Variants in CYP2J2 observed in about 807,000 individuals in gnomAD.
CYP2J2 encodes the protein cytochrome P450 2J2.
CYP2J2 carries 41 observed loss-of-function variants against 48.8 expected under a neutral mutation model. The observed-to-expected ratio is 0.84, with a 90% CI of 0.66 to 1.09. The LOEUF is 1.09. CYP2J2 is among the 50% of genes least tolerant of loss of function. The pLI, the probability that CYP2J2 is intolerant of heterozygous loss-of-function variation, is 0.00. For missense variants in CYP2J2, 644 were observed against 617.3 expected (o/e 1.04, Z -0.46); for synonymous variants, 221 against 227.1 (o/e 0.97, Z 0.24).
intron 1 of CYP2J2, among the ~76,000 whole-genome samples, chr1:59,922,667 C>G (rs887549544): frequency 6.6e-6 from 1 of 152,124 alleles, no homozygotes; most frequent in African/African-American, 2.4e-5. Context: ...GCTTCTTATT[C>G]CAGATAAGGT....
At chr1:59,965,681 T>A in the CYP2J2 span, among the ~76,000 whole-genome samples, 3 of 152,092 alleles carry the variant, frequency 2.0e-5, no homozygotes, top group Non-Finnish European at 4.4e-5. Flanking sequence ...AGACAGAGTC[T>A]CACTCTGTTG....
chr1:59,902,279 T>C (rs149978542), intron 7 of CYP2J2, among the ~76,000 whole-genome samples: 4 of 152,182 alleles, frequency 2.6e-5, no homozygotes, highest in African/African-American at 4.8e-5. Flanking sequence ...TTTCTAAATA[T>C]GTACTTGCAT....
At chr1:59,904,127 C>T (rs932482052) in intron 7 of CYP2J2, among the ~76,000 whole-genome samples, 6 of 152,130 alleles carry the variant, frequency 3.9e-5, no homozygotes, top group Admixed American at 2.0e-4. Flanking sequence ...AATCCCAGCA[C>T]TTTGGGAGGC....
chr1:59,951,442 C>CA, the CYP2J2 span, among the ~76,000 whole-genome samples: 3 of 152,018 alleles, frequency 2.0e-5, no homozygotes, highest in African/African-American at 7.2e-5. Flanking sequence ...AATAATAAAG[C>CA]AAAAAATCAG....
At chr1:59,950,745 C>G in the CYP2J2 span, among the ~76,000 whole-genome samples, 1 of 152,202 alleles carries the variant, frequency 6.6e-6, no homozygotes, top group Non-Finnish European at 1.5e-5. Flanking sequence ...TGTGGCTCAA[C>G]TAAGATGGGG....
At chr1:59,944,541 T>C in the CYP2J2 span, among the ~76,000 whole-genome samples, 1 of 152,308 alleles carries the variant, frequency 6.6e-6, no homozygotes, top group East Asian at 1.9e-4. Flanking sequence ...CTTGAGTATG[T>C]CTGTAGGACA....
At chr1:59,960,054 T>A in the CYP2J2 span, among the ~76,000 whole-genome samples, 1 of 152,092 alleles carries the variant, frequency 6.6e-6, no homozygotes, top group Non-Finnish European at 1.5e-5. Context: ...GAAATAATAA[T>A]AAAAAGAATG....
chr1:59,954,362 C>A, the CYP2J2 span, among the ~76,000 whole-genome samples: 1 of 152,140 alleles, frequency 6.6e-6, no homozygotes, highest in African/African-American at 2.4e-5. Flanking sequence ...ATGTACCTAT[C>A]TGTCTACATC....
the CYP2J2 span, among the ~76,000 whole-genome samples, chr1:59,955,253 C>CATATATATATCCAT: frequency 4.1e-3 from 448 of 107,984 alleles, 10 homozygotes; most frequent in Non-Finnish European, 5.1e-3. Context: ...TATATATATC[C>CATATATATATCCAT]ATATATATAT....
At chr1:59,968,439 G>A in the CYP2J2 span, among the ~76,000 whole-genome samples, 1 of 152,056 alleles carries the variant, frequency 6.6e-6, no homozygotes, top group African/African-American at 2.4e-5. Context: ...TCATGGCTGA[G>A]GCCTGCTGTC....
At chr1:59,928,150 C>T (rs372934183), upstream of CYP2J2, among the ~76,000 whole-genome samples, 2 of 152,052 alleles carry the variant, frequency 1.3e-5, no homozygotes, top group Non-Finnish European at 2.9e-5. Context: ...TGCTCATTCC[C>T]GTATCAGTGG....
chr1:59,911,772 A>T lies in CYP2J2; in HGVS notation c.524-4T>A, dbSNP rs369061266. 1 of 1,610,630 alleles carries T rather than the reference A, an allele frequency of 6.2e-7. No homozygotes were observed. The highest frequency in any genetic ancestry group is 1.1e-5 in the South Asian group (1 of 90,332). On this transcript the variant is annotated splice_polypyrimidine_tract_variant and splice_region_variant and intron_variant, in intron 3 of 8. Coordinates refer to ENST00000371204, the MANE Select transcript of CYP2J2 (RefSeq NM_000775.4). ...AAATGAGGGTCAAAAGGCTGTCCTG[A>T]AGGTGGAGGAAGGGCAAGATGGATC...
chr1:59,935,187 T>C, the CYP2J2 span, among the ~76,000 whole-genome samples: 3 of 151,744 alleles, frequency 2.0e-5, no homozygotes, highest in East Asian at 5.8e-4. Context: ...ATTTCAATTT[T>C]ATGTGGAATC....
the CYP2J2 span, among the ~76,000 whole-genome samples, chr1:59,934,645 C>T: frequency 1.3e-5 from 2 of 151,952 alleles, no homozygotes; most frequent in African/African-American, 4.8e-5. Flanking sequence ...GCAAATCACA[C>T]TCATGATGAG....
chr1:59,909,704 T>G (rs1237103019), intron 5 of CYP2J2, 80 bp downstream of exon 5: 1 of 1,055,908 alleles, frequency 9.5e-7, no homozygotes, highest in East Asian at 2.6e-5. Context: ...TGTGATCATA[T>G]TTTACAGCAG....
the CYP2J2 span, among the ~76,000 whole-genome samples, chr1:59,941,673 G>A: frequency 5.3e-5 from 8 of 152,122 alleles, no homozygotes; most frequent in Admixed American, 5.2e-4. Flanking sequence ...GGAAGACAGT[G>A]ATATTGATGA....
chr1:59,937,293 A>G, the CYP2J2 span, among the ~76,000 whole-genome samples: 11 of 152,368 alleles, frequency 7.2e-5, 1 homozygote, highest in Admixed American at 6.5e-4. Context: ...AATTGTCTTC[A>G]TCACTTACAC....
chr1:59,899,461 G>A (rs979752443), intron 8 of CYP2J2, among the ~76,000 whole-genome samples: 1 of 152,180 alleles, frequency 6.6e-6, no homozygotes, highest in Non-Finnish European at 1.5e-5. Flanking sequence ...ACCAACATGG[G>A]TCATTCCGTT....
At position 59,916,010 on chromosome 1, in the gene CYP2J2, G is replaced by C; in HGVS notation, c.301C>G (p.Leu101Val). The change falls in exon 2 of 9, where the codon CTT (leucine) becomes GTT (valine). Residue 101 changes from leucine (L) to valine (V), a missense_variant. By Grantham distance (32) the Leu-to-Val change is conservative (BLOSUM62 1). Coordinates refer to ENST00000371204, the MANE Select transcript of CYP2J2 (RefSeq NM_000775.4). ...ITGLPLIKEA[L>V]IHMDQNFGNR... ...CCAAAGTTTTGGTCCATGTGGATAA[G>C]GGCTTCTTTGATTAAGGGCAAGCCA... The C allele has an allele frequency of 6.2e-7, 1 of 1,614,014 alleles. No homozygotes were observed. The highest frequency in any genetic ancestry group is 8.5e-7 in the Non-Finnish European group (1 of 1,179,942).
Sources: gnomAD v4.1 joint callset for allele counts (sites outside exome capture counted in the v4.1 genomes callset) on GRCh38, gnomAD v4.1.1 for gene constraint, MANE v1.5 for transcripts, NCBI Gene and HGNC (gene_info 2026-07-23, HGNC 2026-07-21) for gene names.